Variants in BANK1 observed in about 807,000 individuals in gnomAD.
BANK1 encodes the protein B cell scaffold protein with ankyrin repeats 1.
In BANK1, 95 loss-of-function variants were observed where a neutral mutation model predicts 94.5. The observed-to-expected ratio is 1.00, with a 90% CI of 0.85 to 1.19. The LOEUF is 1.19. Among genes scored for constraint, BANK1 ranks in the 50% most tolerant of loss-of-function variants. BANK1 has a pLI of 0.00. For missense variants in BANK1, 987 were observed against 932.2 expected, an observed-to-expected ratio of 1.06 and a Z score of -0.77; for synonymous variants, 334 against 308.4, an observed-to-expected ratio of 1.08 and a Z score of -0.87.
At position 102,015,709 on chromosome 4, in the gene BANK1, G is replaced by A. The variant is rs1053377444; in HGVS notation, c.1207-5805G>A. The stretch of plus-strand genomic sequence containing the variant: ...GTTTGACCCCTTTCCTCCAGCCTTT[G>A]GCATCAAAGCTGTGAAAAATCGTGT... On this transcript the variant is annotated intron_variant, in intron 7 of 16. Transcript: ENST00000322953. 3.3e-5 allele frequency among the ~76,000 whole-genome samples: 5 copies of A among 152,056 alleles called. 1 individual carries two copies. The South Asian group carries it at 1.0e-3, about 32-fold the overall frequency.
chr4:101,898,082 A>C (rs1217845375), intron 6 of BANK1, among the ~76,000 whole-genome samples: 2 of 151,960 alleles, frequency 1.3e-5, no homozygotes, highest in Non-Finnish European at 2.9e-5. Flanking sequence ...ATGTCATAAA[A>C]CCTATATATA....
intron 7 of BANK1, among the ~76,000 whole-genome samples, chr4:101,973,064 T>C (rs956336160): frequency 2.0e-5 from 3 of 151,908 alleles, no homozygotes; most frequent in African/African-American, 7.2e-5. Flanking sequence ...TGGTTTTTTT[T>C]TTAGCTCTAT....
At chr4:102,045,292 A>G (rs1320943423) in intron 11 of BANK1, among the ~76,000 whole-genome samples, 3 of 152,114 alleles carry the variant, frequency 2.0e-5, no homozygotes, top group Non-Finnish European at 2.9e-5. Context: ...ACATATCTCA[A>G]AATAATAAGA....
At chr4:102,030,305 T>G in intron 10 of BANK1, 40 bp downstream of exon 10, 1 of 1,520,300 alleles carries the variant, frequency 6.6e-7, no homozygotes, top group Non-Finnish European at 8.8e-7. Flanking sequence ...TAATTTTTTT[T>G]GTCCAAAATT....
chr4:101,942,521 TAAA>T (rs776274443), intron 7 of BANK1, among the ~76,000 whole-genome samples: 9 of 151,812 alleles, frequency 5.9e-5, no homozygotes, highest in Admixed American at 1.3e-4. Flanking sequence ...TTATGGAAAA[TAAA>T]TAAATGGGCA....
In BANK1 at chr4:102,060,221, G is replaced by C. The variant is rs267599965; in HGVS notation, c.1980G>C (p.Arg660=). ...CGLPKKQDRA[R]IESPAFSTLR... ...CCCCTTGTATTTTAGACAGAGCTCG[G>C]ATAGAGAGTCCAGCCTTTTCTACTC... Residue 660 remains arginine (R), a synonymous_variant, in exon 12 of 17, where the codon CGG becomes CGC. Transcript: ENST00000322953. 1.9e-6 allele frequency: 3 copies of C among 1,577,122 alleles called. No homozygotes were observed. In the South Asian group the frequency reaches 3.6e-5, roughly 19 times the overall value.
intron 7 of BANK1, among the ~76,000 whole-genome samples, chr4:101,981,683 C>T (rs1725329466): frequency 6.6e-6 from 1 of 151,972 alleles, no homozygotes; most frequent in Admixed American, 6.6e-5. Flanking sequence ...TGGGAGTTCC[C>T]TCATCGGTTA....
chr4:101,877,527 A>G (rs1728534717), intron 5 of BANK1, among the ~76,000 whole-genome samples: 1 of 152,230 alleles, frequency 6.6e-6, no homozygotes, highest in African/African-American at 2.4e-5. Flanking sequence ...AAAGTTTAAA[A>G]GCAGGGGATG....
intron 7 of BANK1, among the ~76,000 whole-genome samples, chr4:101,940,884 C>G (rs1157907838): frequency 1.3e-5 from 2 of 151,642 alleles, no homozygotes; most frequent in African/African-American, 4.8e-5. Context: ...CTCCTCTAAC[C>G]TTTTCATGTT....
At chr4:101,923,489 A>G (rs541210942) in intron 7 of BANK1, among the ~76,000 whole-genome samples, 104 of 151,858 alleles carry the variant, frequency 6.8e-4, no homozygotes, top group African/African-American at 2.2e-3. Flanking sequence ...AACCTTTGAC[A>G]TTGCTTTCTT....
intron 7 of BANK1, among the ~76,000 whole-genome samples, chr4:101,941,717 A>G (rs1160436661): frequency 6.7e-6 from 1 of 148,582 alleles, no homozygotes; most frequent in Non-Finnish European, 1.5e-5. Context: ...CTATAAATAT[A>G]TATATATGCT....
chr4:102,012,740 T>G (rs1262116875), intron 7 of BANK1, among the ~76,000 whole-genome samples: 1 of 152,114 alleles, frequency 6.6e-6, no homozygotes, highest in Non-Finnish European at 1.5e-5. Context: ...ATTCTAGTCT[T>G]TTATTACTCA....
intron 3 of BANK1, among the ~76,000 whole-genome samples, chr4:101,861,935 T>A (rs1727892484): frequency 6.6e-6 from 1 of 152,226 alleles, no homozygotes; most frequent in African/African-American, 2.4e-5. Flanking sequence ...ATCTAGAAAC[T>A]TTAGATTTAT....
chr4:101,794,267 CA>C (rs1553922779), intron 1 of BANK1, among the ~76,000 whole-genome samples: 3 of 151,808 alleles, frequency 2.0e-5, no homozygotes, highest in Non-Finnish European at 4.4e-5. Flanking sequence ...AAGCATCAAA[CA>C]GAAAAACTGT....
chr4:101,809,495 A>G (rs1725670081), intron 1 of BANK1, among the ~76,000 whole-genome samples: 1 of 152,044 alleles, frequency 6.6e-6, no homozygotes, highest in South Asian at 2.1e-4. Context: ...ATAAATATAT[A>G]TAAAAAATAA....
intron 7 of BANK1, among the ~76,000 whole-genome samples, chr4:101,941,741 G>A (rs1424659015): frequency 1.1e-4 from 13 of 122,762 alleles, no homozygotes; most frequent in Non-Finnish European, 2.4e-4. Context: ...AGATGTGTGT[G>A]TACACACACA....
At position 101,918,171 on chromosome 4, in the gene BANK1, A is replaced by G. The variant is rs1169460952; in HGVS notation, c.1188A>G (p.Lys396=). 4 of 1,572,896 alleles carry G rather than the reference A, an allele frequency of 2.5e-6. No homozygotes were observed. In the Admixed American group the frequency reaches 7.1e-5, roughly 28 times the overall value. The change falls in exon 7 of 17, where the codon AAA becomes AAG. Residue 396 remains lysine, a synonymous_variant. Transcript: ENST00000322953. The part of the protein sequence containing the change: ...AERHGHKELK[K]IFEDFSIQEI... ...GGCATGGTCACAAAGAACTCAAGAA[A>G]ATCTTCGAAGACTTTTCAGTAAGTT...
chr4:101,962,321 C>T (rs938949054), intron 7 of BANK1, among the ~76,000 whole-genome samples: 1 of 152,144 alleles, frequency 6.6e-6, no homozygotes, highest in Non-Finnish European at 1.5e-5. Context: ...TTATTCTTTC[C>T]TGCCATTCTC....
At chr4:101,854,870 G>T (rs1416064038) in intron 2 of BANK1, among the ~76,000 whole-genome samples, 165 bp from the exon 3 acceptor site, 4 of 152,096 alleles carry the variant, frequency 2.6e-5, no homozygotes, top group Non-Finnish European at 4.4e-5. Context: ...AAATTGTGAA[G>T]TATTATTTTA....
Sources: gnomAD v4.1 joint callset for allele counts (sites outside exome capture counted in the v4.1 genomes callset) on GRCh38, gnomAD v4.1.1 for gene constraint, MANE v1.5 for transcripts, NCBI Gene and HGNC (gene_info 2026-07-23, HGNC 2026-07-21) for gene names.